Variants in DACH2 observed in about 807,000 individuals in gnomAD.
DACH2 encodes dachshund family transcription factor 2, also known as dachshund homolog 2.
In DACH2, 17 loss-of-function variants were observed where a neutral mutation model predicts 35.8. That is an observed-to-expected ratio of 0.48 (90% CI 0.33 to 0.71). The LOEUF is 0.71. DACH2 is among the 30% of genes least tolerant of loss of function. The pLI is 0.02. For missense variants in DACH2, 469 were observed against 472.7 expected (o/e 0.99, Z 0.07); for synonymous variants, 195 against 177.3 (o/e 1.10, Z -0.79).
At chrX:86,291,306 A>C (rs757383130) in intron 1 of DACH2, among the ~76,000 whole-genome samples, 27 of 96,402 alleles carry the variant, frequency 2.8e-4, no homozygotes, top group South Asian at 2.8e-3. Context: ...GTTGCTTATC[A>C]GCTTAAGGAG....
chrX:86,452,351 G>C (rs1378487251), intron 2 of DACH2, among the ~76,000 whole-genome samples: 1 of 111,554 alleles, frequency 9.0e-6, no homozygotes. Context: ...AATGAGTTAG[G>C]GAGGAGTCCT....
intron 3 of DACH2, among the ~76,000 whole-genome samples, chrX:86,632,572 G>A (rs2040214955): frequency 1.8e-5 from 2 of 110,018 alleles, no homozygotes; most frequent in Non-Finnish European, 3.8e-5. Flanking sequence ...GTTAAGAAGA[G>A]GATGTAGAAA....
intron 4 of DACH2, among the ~76,000 whole-genome samples, chrX:86,656,007 C>A (rs976063708): frequency 1.9e-5 from 2 of 103,143 alleles, no homozygotes; most frequent in South Asian, 4.3e-4. Context: ...TTGTCCAGTG[C>A]GAAGAGACCA....
intron 1 of DACH2, among the ~76,000 whole-genome samples, chrX:86,282,651 T>G (rs1171739763): frequency 9.1e-6 from 1 of 110,395 alleles, no homozygotes; most frequent in Non-Finnish European, 1.9e-5. Context: ...GGAGAAAAAT[T>G]TTTTCAGTCT....
chrX:86,699,424 G>A (rs1443903562), intron 5 of DACH2, among the ~76,000 whole-genome samples: 3 of 111,607 alleles, frequency 2.7e-5, no homozygotes, highest in Non-Finnish European at 5.6e-5. Context: ...GGTGGAAGGC[G>A]AAAGGCTCTT....
intron 1 of DACH2, among the ~76,000 whole-genome samples, chrX:86,345,982 T>C (rs1246636101): frequency 8.9e-6 from 1 of 112,257 alleles, no homozygotes; most frequent in Non-Finnish European, 1.9e-5. Context: ...GATTTATTTA[T>C]GTAGAATCTG....
At chrX:86,687,035 A>C (rs1190775868) in intron 4 of DACH2, among the ~76,000 whole-genome samples, 1 of 112,201 alleles carries the variant, frequency 8.9e-6, no homozygotes, top group African/African-American at 3.2e-5. Flanking sequence ...AGTTAGGTGC[A>C]ATTTATTTGA....
At chrX:86,303,956 G>A (rs1418116854) in intron 1 of DACH2, among the ~76,000 whole-genome samples, 7 of 111,131 alleles carry the variant, frequency 6.3e-5, no homozygotes, top group African/African-American at 1.3e-4. Flanking sequence ...AAAGCTGGAG[G>A]TATCACACTA....
intron 1 of DACH2, among the ~76,000 whole-genome samples, chrX:86,191,703 G>A (rs1242549967): frequency 9.0e-5 from 10 of 111,228 alleles, no homozygotes; most frequent in African/African-American, 3.3e-4. Context: ...CACTTTGGGA[G>A]GCTGAGACGG....
intron 2 of DACH2, among the ~76,000 whole-genome samples, chrX:86,445,835 G>A (rs2037262935): frequency 9.0e-6 from 1 of 110,986 alleles, no homozygotes. Context: ...ATATTCTGCA[G>A]CTGTTTATTG....
chrX:86,172,926 CT>C (rs763723337), intron 1 of DACH2, among the ~76,000 whole-genome samples: 16 of 111,487 alleles, frequency 1.4e-4, no homozygotes, highest in Non-Finnish European at 2.8e-4. Context: ...TCAACAAAAA[CT>C]TAATAGTTTG....
chrX:86,513,714 T>G (rs2038426457), intron 2 of DACH2, among the ~76,000 whole-genome samples: 1 of 112,166 alleles, frequency 8.9e-6, no homozygotes, highest in Non-Finnish European at 1.9e-5. Flanking sequence ...GAACTGCTTG[T>G]TATACAGCTT....
intron 2 of DACH2, among the ~76,000 whole-genome samples, chrX:86,487,380 A>G (rs2038033269): frequency 1.8e-5 from 2 of 112,022 alleles, no homozygotes; most frequent in Admixed American, 9.5e-5. Context: ...ATAAGGTGCT[A>G]TTCCAGGAAC....
At chrX:86,403,864 A>C (rs937638215) in intron 2 of DACH2, among the ~76,000 whole-genome samples, 10 of 111,135 alleles carry the variant, frequency 9.0e-5, no homozygotes, top group Non-Finnish European at 1.7e-4. Context: ...ATTGACTCAC[A>C]CTTCTGTAGG....
At chrX:86,638,567 A>G (rs963912284) in intron 3 of DACH2, among the ~76,000 whole-genome samples, 4 of 111,393 alleles carry the variant, frequency 3.6e-5, no homozygotes, top group African/African-American at 1.3e-4. Context: ...ACAACAAATA[A>G]AAAAAAGACC....
chrX:86,515,312 A>T (rs1367733894), intron 3 of DACH2, among the ~76,000 whole-genome samples: 2 of 110,809 alleles, frequency 1.8e-5, no homozygotes, highest in Non-Finnish European at 3.8e-5. Context: ...AAGCAGTTAT[A>T]TCAATTTTGG....
At chrX:86,333,356 T>C (rs1484603811) in intron 1 of DACH2, among the ~76,000 whole-genome samples, 1 of 111,998 alleles carries the variant, frequency 8.9e-6, no homozygotes, top group African/African-American at 3.2e-5. Context: ...TCCATTTTAC[T>C]GCAAGAAAAA....
At chrX:86,278,337 A>G (rs1224565087) in intron 1 of DACH2, among the ~76,000 whole-genome samples, 6 of 111,813 alleles carry the variant, frequency 5.4e-5, no homozygotes, top group African/African-American at 1.6e-4. Flanking sequence ...CTCATCTGCC[A>G]TGTTTATCTG....
chrX:86,270,008 T>TTA (rs1176003234), intron 1 of DACH2, among the ~76,000 whole-genome samples: 75 of 101,846 alleles, frequency 7.4e-4, no homozygotes, highest in East Asian at 5.7e-3. Context: ...CATGTTTTAA[T>TTA]TATATATATA....
Sources: gnomAD v4.1 joint callset for allele counts (sites outside exome capture counted in the v4.1 genomes callset) on GRCh38, gnomAD v4.1.1 for gene constraint, MANE v1.5 for transcripts, NCBI Gene and HGNC (gene_info 2026-07-23, HGNC 2026-07-21) for gene names.